ADGRB3: variants seen among roughly 807,000 people sequenced by gnomAD.
ADGRB3 encodes brain-specific angiogenesis inhibitor 3.
A neutral mutation model predicts 193.4 loss-of-function variants in ADGRB3; 37 were observed. The observed-to-expected ratio is 0.19, with a 90% confidence interval of 0.15 to 0.25. The LOEUF is 0.25. Among genes scored for constraint, ADGRB3 ranks in the 10% least tolerant of loss-of-function variants. The pLI, the probability that ADGRB3 is intolerant of heterozygous loss-of-function variation, is 1.00. For synonymous variants in ADGRB3, 690 were observed against 644.2 expected, an observed-to-expected ratio of 1.07 and a Z score of -1.08; for missense variants, 1,637 against 1,852.9, an observed-to-expected ratio of 0.88 and a Z score of 2.14.
intron 3 of ADGRB3, among the ~76,000 whole-genome samples, chr6:68,662,927 T>A (rs1338766942): frequency 6.6e-6 from 1 of 150,658 alleles, no homozygotes; most frequent in African/African-American, 2.4e-5. Flanking sequence ...ATTATTTATA[T>A]TATAATATAT....
In ADGRB3 at chr6:68,935,512, A is replaced by G. The variant is rs115773978; in HGVS notation, c.869-1007A>G. 2.7e-3 allele frequency among the ~76,000 whole-genome samples: 415 copies of G among 152,326 alleles called. 6 individuals carry two copies. Among genetic ancestry groups the G allele is most frequent in the African/African-American group, 9.7e-3 (404 of 41,586 alleles). ...TTTGATCTACTAATCAGTGATACAA[A>G]GTTTTCAGAAACATTTCACCTACAA... On this transcript the variant is annotated intron_variant, in intron 4 of 31. Coordinates refer to ENST00000370598, the MANE Select transcript of ADGRB3 (RefSeq NM_001704.3).
chr6:69,143,181 G>A (rs1774388622), intron 17 of ADGRB3, among the ~76,000 whole-genome samples: 1 of 151,968 alleles, frequency 6.6e-6, no homozygotes, highest in Non-Finnish European at 1.5e-5. Flanking sequence ...TGTACGTCTT[G>A]TTTTGAGAAA....
rs1200632992 is a variant in ADGRB3, at chr6:68,941,648, A to G, written c.1031-2182A>G. 3.5e-5 allele frequency among the ~76,000 whole-genome samples: 5 copies of G among 141,866 alleles called. No individual in the cohort carries two copies. The East Asian group carries it at 9.6e-4, about 27-fold the overall frequency. The allele number at this position is 141,866 out of a possible 152,430, so 93.1% of individuals were successfully genotyped here. A position where few individuals can be genotyped will look rare whatever the true frequency, so the allele number is the denominator to read the frequency against. On this transcript the variant is annotated intron_variant, in intron 5 of 31. Transcript: ENST00000370598. Reference sequence around the variant, plus strand: ...ATTAACTTTTTATATAGGAGGAGAAAATAGGAGGAGAAAAGGTTTTTAAAA... The same window carrying G: ...ATTAACTTTTTATATAGGAGGAGAAGATAGGAGGAGAAAAGGTTTTTAAAA...
intron 3 of ADGRB3, among the ~76,000 whole-genome samples, chr6:68,837,933 T>C (rs1416046329): frequency 6.6e-6 from 1 of 152,148 alleles, no homozygotes; most frequent in African/African-American, 2.4e-5. Flanking sequence ...AGAAAGCCCA[T>C]CAAAGTTAAC....
At chr6:68,850,129 A>G (rs2127390563) in intron 3 of ADGRB3, among the ~76,000 whole-genome samples, 1 of 151,774 alleles carries the variant, frequency 6.6e-6, no homozygotes, top group South Asian at 2.1e-4. Context: ...CTCAGGTCCC[A>G]TAGTTTTTTT....
At chr6:68,690,285 T>C (rs1722883617) in intron 3 of ADGRB3, among the ~76,000 whole-genome samples, 5 of 152,142 alleles carry the variant, frequency 3.3e-5, no homozygotes. Context: ...CAGGAAGTTT[T>C]TCCCTAAAAA....
chr6:68,694,858 C>T (rs190008419), intron 3 of ADGRB3, among the ~76,000 whole-genome samples: 1 of 152,060 alleles, frequency 6.6e-6, no homozygotes, highest in African/African-American at 2.4e-5. Flanking sequence ...ACCATTCTCC[C>T]AAGCATTGTG....
chr6:69,246,717 A>G (rs1324744441), intron 20 of ADGRB3, among the ~76,000 whole-genome samples: 1 of 152,196 alleles, frequency 6.6e-6, no homozygotes, highest in Admixed American at 6.5e-5. Flanking sequence ...ATTACTTGAC[A>G]ATAGGATTAC....
chr6:69,114,771 C>A (rs1773478355), intron 17 of ADGRB3, among the ~76,000 whole-genome samples: 1 of 152,140 alleles, frequency 6.6e-6, no homozygotes, highest in African/African-American at 2.4e-5. Flanking sequence ...ATCGGGAATC[C>A]TTTCCCCATT....
At chr6:68,769,521 C>T (rs138032189) in intron 3 of ADGRB3, among the ~76,000 whole-genome samples, 2 of 152,214 alleles carry the variant, frequency 1.3e-5, no homozygotes, top group African/African-American at 4.8e-5. Flanking sequence ...GGGAACATTA[C>T]ACACTGGAGC....
chr6:69,246,160 A>G (rs1332996396), intron 20 of ADGRB3, among the ~76,000 whole-genome samples: 2 of 152,144 alleles, frequency 1.3e-5, no homozygotes, highest in Non-Finnish European at 2.9e-5. Flanking sequence ...TCATAAGAAT[A>G]TAATGTTCAT....
chr6:68,994,385 C>T (rs1190573838), intron 11 of ADGRB3, among the ~76,000 whole-genome samples: 1 of 152,096 alleles, frequency 6.6e-6, no homozygotes, highest in Non-Finnish European at 1.5e-5. Context: ...TAGGATTTTG[C>T]TATTAGTGGG....
rs542856512 is a variant in ADGRB3 at position 69,002,944 on chromosome 6, G to A, written c.1929+8982G>A. Among the ~76,000 whole-genome samples the A allele has an allele frequency of 4.1e-3, 625 of 152,266 alleles. 2 individuals are homozygous for A. Among genetic ancestry groups the A allele is most frequent in the Non-Finnish European group, 7.7e-3 (523 of 68,018 alleles). Reference sequence around the variant, plus strand: ...GGAGATAGGGAATGGAAGCAGGGGAGTAGGGTGTGATGAGTAAGAGTACTT... The same window carrying A: ...GGAGATAGGGAATGGAAGCAGGGGAATAGGGTGTGATGAGTAAGAGTACTT... On this transcript the variant is annotated intron_variant, in intron 11 of 31. Transcript: ENST00000370598.
At chr6:69,121,740 T>A (rs1427673937) in intron 17 of ADGRB3, among the ~76,000 whole-genome samples, 46 of 140,432 alleles carry the variant, frequency 3.3e-4, no homozygotes, top group Admixed American at 3.2e-3. Context: ...TCCCAGATGA[T>A]GGGCAGCCAG....
intron 21 of ADGRB3, among the ~76,000 whole-genome samples, chr6:69,325,474 G>A (rs1210267323): frequency 6.6e-6 from 1 of 152,026 alleles, no homozygotes; most frequent in Non-Finnish European, 1.5e-5. Context: ...ACACCATCTA[G>A]AGAATTAATG....
At chr6:69,165,601 C>A (rs997137554) in intron 17 of ADGRB3, among the ~76,000 whole-genome samples, 3 of 152,036 alleles carry the variant, frequency 2.0e-5, no homozygotes, top group African/African-American at 7.2e-5. Flanking sequence ...GAAGCCTCTC[C>A]AACTAACAAA....
At chr6:69,361,641 T>C (rs1229580520) in intron 29 of ADGRB3, 129 bp downstream of exon 29, 16 of 1,153,194 alleles carry the variant, frequency 1.4e-5, no homozygotes, top group Non-Finnish European at 1.9e-5. Context: ...CATTAGCTTT[T>C]GCAGTTTTGT....
intron 11 of ADGRB3, among the ~76,000 whole-genome samples, chr6:69,011,614 G>T (rs905466383): frequency 6.6e-6 from 1 of 151,890 alleles, no homozygotes; most frequent in African/African-American, 2.4e-5. Flanking sequence ...ACCTGCACAT[G>T]TATCCCCTGA....
chr6:68,890,242 G>A (rs971990423), intron 3 of ADGRB3, among the ~76,000 whole-genome samples: 3 of 152,182 alleles, frequency 2.0e-5, no homozygotes, highest in African/African-American at 7.2e-5. Flanking sequence ...AATCTTGGCA[G>A]AGGTTAACTT....
Sources: allele counts gnomAD v4.1 joint callset (sites outside exome capture counted in the v4.1 genomes callset), GRCh38; gene constraint gnomAD v4.1.1; transcripts MANE v1.5; gene names NCBI Gene and HGNC (gene_info 2026-07-23, HGNC 2026-07-21).